Variants in NR2F6 observed in about 807,000 individuals in gnomAD.
The protein encoded by NR2F6 is ERBA-related gene-2.
NR2F6 carries 16 observed loss-of-function variants against 26.5 expected under a neutral mutation model. That is an observed-to-expected ratio of 0.60 (90% CI 0.41 to 0.92). The LOEUF (loss-of-function observed/expected upper bound fraction) is 0.92. Among genes scored for constraint, NR2F6 ranks in the 40% least tolerant of loss-of-function variants. NR2F6 has a pLI of 0.00. For synonymous variants in NR2F6, 325 were observed against 305.0 expected (o/e 1.07, Z -0.68); for missense variants, 536 against 631.7 (o/e 0.85, Z 1.62).
In NR2F6 at chr19:17,232,645, G is replaced by A. The variant is rs1174524476; in HGVS notation, c.941-19C>T. On this transcript the variant is annotated intron_variant, in intron 3 of 3. Coordinates refer to ENST00000291442, the MANE Select transcript of NR2F6 (RefSeq NM_005234.4). ...CAGGCGTCTAGGGGGACAAAGGCAA[G>A]TCAGACAGGTGGGAGGCAGCTAGAG... 6.6e-7 allele frequency: 1 copy of A among 1,517,474 alleles called. No individual in the cohort carries two copies. The highest frequency in any genetic ancestry group is 2.1e-5 in the Admixed American group (1 of 47,140). The allele number at this position is 1,517,474 out of a possible 1,614,324, so 94.0% of individuals were successfully genotyped here.
chr19:17,239,142 T>A (rs996986128), intron 2 of NR2F6, among the ~76,000 whole-genome samples: 1 of 151,148 alleles, frequency 6.6e-6, no homozygotes, highest in Admixed American at 6.6e-5. Flanking sequence ...ATCGAGACCA[T>A]CCTGGCCAAC....
intron 1 of NR2F6, among the ~76,000 whole-genome samples, chr19:17,241,818 C>G (rs1176639591): frequency 6.7e-6 from 1 of 149,180 alleles, no homozygotes; most frequent in Non-Finnish European, 1.5e-5. Flanking sequence ...CAGTTCAAGA[C>G]CAGCCTGGCC....
chr19:17,235,908 C>A lies in NR2F6; in HGVS notation c.531G>T (p.Glu177Asp). 6.8e-7 allele frequency: 1 copy of A among 1,477,462 alleles called. No individual in the cohort carries two copies. Among genetic ancestry groups the A allele is most frequent in the Non-Finnish European group, 8.9e-7 (1 of 1,121,174 alleles). The allele number at this position is 1,477,462 out of a possible 1,614,324, so 91.5% of individuals were successfully genotyped here. A position where few individuals can be genotyped will look rare whatever the true frequency, so the allele number is the denominator to read the frequency against. The change falls in exon 3 of 4, where the codon GAG (glutamate) becomes GAT (aspartate). Residue 177 changes from glutamate to aspartate, a missense_variant. Transcript: ENST00000291442. This position sits in a 1 kb window ranked among gnomAD's most constrained non-coding sequence, Gnocchi z 5.0. ...AGCGTCCGGCCGCCGCAGGGTAGGG[C>A]TCAGCGCGCAGCAGCTGCGCGATCA... Reference protein sequence around the residue: ...SELIAQLLRAEPYPAAAGRFG... With the variant: ...SELIAQLLRADPYPAAAGRFG...
At chr19:17,234,697 A>T (rs1213641058) in intron 3 of NR2F6, among the ~76,000 whole-genome samples, 1 of 151,506 alleles carries the variant, frequency 6.6e-6, no homozygotes, top group Admixed American at 6.6e-5. Context: ...GAAAACGTTT[A>T]AAAAAAAATT....
intron 3 of NR2F6, among the ~76,000 whole-genome samples, chr19:17,234,227 A>C (rs924222271): frequency 2.6e-4 from 40 of 151,570 alleles, no homozygotes; most frequent in Admixed American, 3.3e-4. Flanking sequence ...CGTCTCAAAA[A>C]AAAAAAAAAA....
At chr19:17,238,387 T>C (rs2073450747) in intron 2 of NR2F6, among the ~76,000 whole-genome samples, 1 of 152,056 alleles carries the variant, frequency 6.6e-6, no homozygotes, top group South Asian at 2.1e-4. Flanking sequence ...CAGGAGGGCT[T>C]CCCTGAGGAG....
At chr19:17,236,869 C>T (rs2073441682) in intron 2 of NR2F6, among the ~76,000 whole-genome samples, 1 of 152,190 alleles carries the variant, frequency 6.6e-6, no homozygotes, top group Admixed American at 6.5e-5. Flanking sequence ...GCGGGGAGGC[C>T]CTGCTGCTGG....
At chr19:17,234,373 C>T (rs2073424416) in intron 3 of NR2F6, among the ~76,000 whole-genome samples, 1 of 152,160 alleles carries the variant, frequency 6.6e-6, no homozygotes. Context: ...TCAAGTGGTT[C>T]TCCCAACTCT....
chr19:17,232,160 G>A lies in NR2F6; in HGVS notation c.*192C>T. On this transcript the variant is annotated 3_prime_UTR_variant, in exon 4 of 4. Transcript: ENST00000291442. The stretch of plus-strand genomic sequence containing the variant: ...GGGAGGATGAGGCTGAGGCCTGGAT[G>A]ATCAGTCTCTTTTTGGTTTCATGAT... 1 of 803,826 alleles carries A rather than the reference G, an allele frequency of 1.2e-6. No homozygotes were observed. The highest frequency in any genetic ancestry group is 1.9e-6 in the Non-Finnish European group (1 of 526,468). 49.8% of individuals were successfully genotyped at this position (803,826 alleles called of 1,614,324 possible).
intron 1 of NR2F6, among the ~76,000 whole-genome samples, chr19:17,243,641 A>G (rs2073480585): frequency 6.6e-6 from 1 of 152,192 alleles, no homozygotes; most frequent in African/African-American, 2.4e-5. Flanking sequence ...AGGAGGGAGC[A>G]AGGCAGCTCT....
rs2073412255 is a variant in NR2F6 at position 17,232,402 on chromosome 19, T to C, written c.1165A>G (p.Met389Val). Residue 389 changes from methionine (M) to valine (V), a missense_variant, in exon 4 of 4, where the codon ATG becomes GTG. Physicochemically the swap from Met to Val is conservative, Grantham distance 21 (BLOSUM62 1). Coordinates refer to ENST00000291442, the MANE Select transcript of NR2F6 (RefSeq NM_005234.4). Reference sequence around the variant, plus strand: ...TTGAAGGTACTCCCCGACAGCAGCATGTCTCTGATCAGTGTCTCAATGGGC... The same window carrying C: ...TTGAAGGTACTCCCCGACAGCAGCACGTCTCTGATCAGTGTCTCAATGGGC... Reference protein sequence around the residue: ...KTPIETLIRDMLLSGSTFNWP... With the variant: ...KTPIETLIRDVLLSGSTFNWP... 2.5e-6 allele frequency: 4 copies of C among 1,613,982 alleles called. No individual in the cohort carries two copies. Among genetic ancestry groups the C allele is most frequent in the Admixed American group, 1.7e-5 (1 of 60,000 alleles).
At chr19:17,240,547 G>C in intron 2 of NR2F6, 124 bp downstream of exon 2, 1 of 1,036,904 alleles carries the variant, frequency 9.6e-7, no homozygotes, top group Non-Finnish European at 1.5e-6. Context: ...CACCCTGTGA[G>C]GCACCCAGAC....
rs1157587892 is a variant in NR2F6 at position 17,245,777 on chromosome 19, G to A, written c.-557C>T. On this transcript the variant is annotated 5_prime_UTR_variant, in exon 1 of 4. Coordinates refer to ENST00000291442, the MANE Select transcript of NR2F6 (RefSeq NM_005234.4). This position sits in a 1 kb window ranked among gnomAD's most constrained non-coding sequence, Gnocchi z 5.0. ...GCGGCTGCCGCTCCGGGCCTGCAGG[G>A]CCGCTGGGCCGGCGCCTCTGGAGCT... 6.8e-6 allele frequency: 1 copy of A among 146,024 alleles called. No homozygotes were observed. Among genetic ancestry groups the A allele is most frequent in the Non-Finnish European group, 1.5e-5 (1 of 65,694 alleles). The allele number at this position is 146,024 out of a possible 1,614,324, so 9.0% of individuals were successfully genotyped here. A position where few individuals can be genotyped will look rare whatever the true frequency, so the allele number is the denominator to read the frequency against.
In NR2F6 at chr19:17,244,928, G is replaced by C. The variant is rs779701079; in HGVS notation, c.278+15C>G. The C allele has an allele frequency of 2.6e-6, 4 of 1,561,752 alleles. No homozygotes were observed. The highest frequency in any genetic ancestry group is 2.3e-5 in the East Asian group (1 of 42,644). On this transcript the variant is annotated intron_variant, in intron 1 of 3. Coordinates refer to ENST00000291442, the MANE Select transcript of NR2F6 (RefSeq NM_005234.4). ...GGCGGGGTGCACGGCGGCGGCGCGC[G>C]GATGGGGGGCTCACCGGCAGGTGTA...
chr19:17,233,512 T>A (rs2073419541), intron 3 of NR2F6, among the ~76,000 whole-genome samples: 1 of 152,024 alleles, frequency 6.6e-6, no homozygotes, highest in Non-Finnish European at 1.5e-5. Context: ...TTCTAATTTT[T>A]TTTTCTTTAA....
chr19:17,245,100 C>A lies in NR2F6; in HGVS notation c.121G>T (p.Asp41Tyr). ...DSASPPGAAS[D>Y]AEPGDEERPG... ...CGCTCCTCGTCGCCCGGCTCGGCGT[C>A]GCTGGCGGCACCGGGGGGCGAGGCC... Residue 41 changes from aspartate to tyrosine, a missense_variant, in exon 1 of 4, where the codon GAC (aspartate) becomes TAC (tyrosine). Physicochemically the swap from Asp to Tyr is radical, Grantham distance 160. Coordinates refer to ENST00000291442, the MANE Select transcript of NR2F6 (RefSeq NM_005234.4). This position sits in a 1 kb window ranked among gnomAD's most constrained non-coding sequence, Gnocchi z 5.0. The A allele has an allele frequency of 6.4e-7, 1 of 1,567,962 alleles. No individual in the cohort carries two copies. Among genetic ancestry groups the A allele is most frequent in the Non-Finnish European group, 8.6e-7 (1 of 1,159,690 alleles).
chr19:17,238,188 C>T (rs1248012269), intron 2 of NR2F6, among the ~76,000 whole-genome samples: 4 of 152,160 alleles, frequency 2.6e-5, no homozygotes, highest in African/African-American at 4.8e-5. Context: ...AAAATAATGC[C>T]TGCCACACAG....
chr19:17,244,909 G>T, intron 1 of NR2F6, 34 bp downstream of exon 1: 1 of 1,551,626 alleles, frequency 6.4e-7, no homozygotes, highest in East Asian at 2.4e-5. Context: ...TCGGGGCGGG[G>T]TGCACGGCGG....
chr19:17,240,846 C>T, intron 1 of NR2F6, 81 bp from the exon 2 acceptor site: 1 of 1,413,406 alleles, frequency 7.1e-7, no homozygotes, highest in Admixed American at 1.9e-5. Context: ...CCTTTGGAGG[C>T]TGCCCCTCAG....
Sources: gnomAD v4.1 joint callset for allele counts (sites outside exome capture counted in the v4.1 genomes callset) on GRCh38, gnomAD v4.1.1 for gene constraint, Gnocchi (gnomAD v3.1) non-coding constraint, MANE v1.5 for transcripts, NCBI Gene and HGNC (gene_info 2026-07-23, HGNC 2026-07-21) for gene names.